PAPSS2: variants seen among roughly 807,000 people sequenced by gnomAD.
PAPSS2 encodes the protein bifunctional 3'-phosphoadenosine 5'-phosphosulfate synthase 2.
Under a neutral mutation model 66.5 loss-of-function variants are expected in PAPSS2, and 61 were observed. The observed-to-expected ratio is 0.92, with a 90% CI of 0.75 to 1.14. PAPSS2 has a LOEUF of 1.14. PAPSS2 is among the 50% of genes most tolerant of loss of function. PAPSS2 has a pLI of 0.00. For synonymous variants in PAPSS2, 289 were observed against 287.5 expected (o/e 1.01, Z -0.05); for missense variants, 708 against 789.6 (o/e 0.90, Z 1.24).
Position 87,745,116 on chromosome 10 carries a change from C to T in PAPSS2, c.1606C>T (p.His536Tyr). 1 of 1,614,170 alleles carries T rather than the reference C, an allele frequency of 6.2e-7. No individual in the cohort carries two copies. Among genetic ancestry groups the T allele is most frequent in the South Asian group, 1.1e-5 (1 of 91,084 alleles). The change falls in exon 12 of 13, where the codon CAT (histidine) becomes TAT (tyrosine). Residue 536 changes from histidine to tyrosine, a missense_variant. His to Tyr is a moderately conservative substitution (Grantham distance 83). Transcript: ENST00000456849. ...ETKKDLYEPT[H>Y]GGKVLSMAPG... Reference sequence around the variant, plus strand: ...CAAGAAGGATCTGTATGAACCCACTCATGGGGGCAAGGTCTTGAGCATGGC... The same window carrying T: ...CAAGAAGGATCTGTATGAACCCACTTATGGGGGCAAGGTCTTGAGCATGGC...
At chr10:87,743,259 G>C in intron 10 of PAPSS2, 114 bp from the exon 11 acceptor site, 1 of 964,298 alleles carries the variant, frequency 1.0e-6, no homozygotes, top group Non-Finnish European at 1.6e-6. Flanking sequence ...AAAAAAAAAA[G>C]CCAGTGGATA....
At chr10:87,701,327 C>CCTTCCTTTCTTTCTTT (rs1354912090) in intron 1 of PAPSS2, among the ~76,000 whole-genome samples, 1 of 72,230 alleles carries the variant, frequency 1.4e-5, no homozygotes, top group Non-Finnish European at 2.7e-5. Flanking sequence ...TTCCTTCCTT[C>CCTTCCTTTCTTTCTTT]CTTTCTTTCT....
At chr10:87,701,806 C>T (rs978223651) in intron 1 of PAPSS2, among the ~76,000 whole-genome samples, 1 of 152,062 alleles carries the variant, frequency 6.6e-6, no homozygotes, top group Non-Finnish European at 1.5e-5. Context: ...ACACGAATGG[C>T]CTAAGTAACT....
chr10:87,707,564 C>CTTTTTTTTTTTT (rs747152482), intron 1 of PAPSS2, among the ~76,000 whole-genome samples: 28 of 93,962 alleles, frequency 3.0e-4, no homozygotes, highest in African/African-American at 7.5e-4. Flanking sequence ...TCTTTTTTTT[C>CTTTTTTTTTTTT]TTTTTTTTTT....
intron 8 of PAPSS2, among the ~76,000 whole-genome samples, chr10:87,725,886 C>T (rs1484615591): frequency 2.2e-5 from 3 of 138,112 alleles, no homozygotes; most frequent in African/African-American, 6.0e-5. Flanking sequence ...TGTGTGTATA[C>T]ACACACACAC....
At chr10:87,706,312 C>A (rs1853389244) in intron 1 of PAPSS2, among the ~76,000 whole-genome samples, 1 of 150,844 alleles carries the variant, frequency 6.6e-6, no homozygotes, top group Non-Finnish European at 1.5e-5. Context: ...CTGAAAGAAT[C>A]AATGAATAAT....
intron 2 of PAPSS2, among the ~76,000 whole-genome samples, chr10:87,711,453 A>G (rs1045790371): frequency 6.6e-6 from 1 of 152,218 alleles, no homozygotes; most frequent in African/African-American, 2.4e-5. Context: ...ACATTCTGTT[A>G]TTTCTCTCAT....
intron 1 of PAPSS2, among the ~76,000 whole-genome samples, chr10:87,684,858 G>A (rs1363246858): frequency 6.6e-6 from 1 of 152,172 alleles, no homozygotes; most frequent in African/African-American, 2.4e-5. Context: ...AGCCAAGGTA[G>A]CCCAGGCTCC....
At chr10:87,676,939 A>G (rs1206902416) in intron 1 of PAPSS2, among the ~76,000 whole-genome samples, 1 of 148,200 alleles carries the variant, frequency 6.7e-6, no homozygotes, top group Non-Finnish European at 1.5e-5. Context: ...CATGCCTATA[A>G]TCCCAGCACT....
Position 87,747,457 on chromosome 10 carries a change from A to G in PAPSS2, c.*1487A>G, listed in dbSNP as rs1034183870. 8 of 152,570 alleles carry G rather than the reference A, an allele frequency of 5.2e-5. No individual in the cohort carries two copies. The South Asian group carries it at 8.3e-4, about 16-fold the overall frequency. The allele number at this position is 152,570 out of a possible 1,614,324, so 9.5% of individuals were successfully genotyped here. A position where few individuals can be genotyped will look rare whatever the true frequency, so the allele number is the denominator to read the frequency against. Reference sequence around the variant, plus strand: ...AGAATAAGTTACACACAATGGCCACAGCAGTTTGTCTTTAATAGTATAGTG... The same window carrying G: ...AGAATAAGTTACACACAATGGCCACGGCAGTTTGTCTTTAATAGTATAGTG... On this transcript the variant is annotated 3_prime_UTR_variant, in exon 13 of 13. Coordinates refer to ENST00000456849, the MANE Select transcript of PAPSS2 (RefSeq NM_001015880.2).
chr10:87,743,113 G>A (rs979148093), intron 10 of PAPSS2, among the ~76,000 whole-genome samples: 2 of 152,138 alleles, frequency 1.3e-5, no homozygotes, highest in Non-Finnish European at 2.9e-5. Flanking sequence ...GGGTGTGGTG[G>A]CACACGCCTG....
intron 2 of PAPSS2, among the ~76,000 whole-genome samples, chr10:87,712,146 G>A (rs970290916): frequency 6.6e-6 from 1 of 152,118 alleles, no homozygotes; most frequent in Non-Finnish European, 1.5e-5. Context: ...AGACTCTAGA[G>A]AATCTTTACA....
intron 1 of PAPSS2, among the ~76,000 whole-genome samples, chr10:87,675,971 C>CTTTCTT (rs1564709257): frequency 7.8e-6 from 1 of 127,962 alleles, no homozygotes; most frequent in African/African-American, 3.1e-5. Flanking sequence ...TTCCACATTT[C>CTTTCTT]TTTTTTTTTT....
intron 9 of PAPSS2, among the ~76,000 whole-genome samples, chr10:87,727,927 T>C (rs1471260162): frequency 6.6e-6 from 1 of 152,212 alleles, no homozygotes; most frequent in African/African-American, 2.4e-5. Context: ...TCAGAGTTCA[T>C]GCTCTGTGGC....
At chr10:87,696,842 T>A (rs1310060184) in intron 1 of PAPSS2, among the ~76,000 whole-genome samples, 1 of 152,254 alleles carries the variant, frequency 6.6e-6, no homozygotes, top group Non-Finnish European at 1.5e-5. Flanking sequence ...TTAGACTTTT[T>A]ATTTTTTTAG....
intron 9 of PAPSS2, among the ~76,000 whole-genome samples, chr10:87,729,511 T>G (rs1244594634): frequency 6.6e-6 from 1 of 152,174 alleles, no homozygotes; most frequent in Non-Finnish European, 1.5e-5. Flanking sequence ...TGTTCTGCCT[T>G]CTCCACTCAC....
At chr10:87,713,439 A>G (rs980040862) in intron 3 of PAPSS2, 129 bp downstream of exon 3, 2 of 661,434 alleles carry the variant, frequency 3.0e-6, no homozygotes, top group African/African-American at 3.7e-5. Flanking sequence ...TTTCCCGACT[A>G]TTTCTTCCCC....
intron 9 of PAPSS2, among the ~76,000 whole-genome samples, chr10:87,737,631 G>A (rs1853816890): frequency 6.6e-6 from 1 of 151,966 alleles, no homozygotes; most frequent in South Asian, 2.1e-4. Flanking sequence ...GACCTATCTG[G>A]TTATCATAGT....
chr10:87,730,658 T>C (rs908434868), intron 9 of PAPSS2, among the ~76,000 whole-genome samples: 6 of 152,224 alleles, frequency 3.9e-5, no homozygotes, highest in African/African-American at 1.4e-4. Context: ...TCTTGAACTA[T>C]GTCAAAGAAA....
Sources: allele counts gnomAD v4.1 joint callset (sites outside exome capture counted in the v4.1 genomes callset), GRCh38; gene constraint gnomAD v4.1.1; transcripts MANE v1.5; gene names NCBI Gene and HGNC (gene_info 2026-07-23, HGNC 2026-07-21).